The following UGT1A5 variants were observed in gnomAD, a reference collection of about 807,000 sequenced individuals.
UGT1A5 encodes the protein UDP-glucuronosyltransferase 1A5.
A neutral mutation model predicts 40.3 loss-of-function variants in UGT1A5; 29 were observed. That is an observed-to-expected ratio of 0.72 (90% CI 0.54 to 0.98). UGT1A5 has a LOEUF of 0.98. UGT1A5 is among the 50% of genes least tolerant of loss of function. UGT1A5 has a pLI of 0.00. For missense variants in UGT1A5, 678 were observed against 677.9 expected (o/e 1.00, Z 0.00); for synonymous variants, 257 against 262.5 (o/e 0.98, Z 0.20).
intron 1 of UGT1A5, among the ~76,000 whole-genome samples, chr2:233,757,562 G>GTATATATATATATATATATATACATA (rs1491042837): frequency 1.1e-5 from 1 of 90,870 alleles, no homozygotes; most frequent in Non-Finnish European, 2.1e-5. Flanking sequence ...ATATATATAT[G>GTATATATATATATATATATATACATA]TATATATGAT....
intron 1 of UGT1A5, chr2:233,743,998 C>G (rs1199821485): frequency 8.1e-7 from 1 of 1,233,642 alleles, no homozygotes; most frequent in African/African-American, 1.6e-5. Context: ...CCCGAGTGCT[C>G]GGAGACCTGG....
At chr2:233,760,673 A>T (rs1191873899) in intron 1 of UGT1A5, 3 of 1,614,096 alleles carry the variant, frequency 1.9e-6, no homozygotes, top group East Asian at 2.2e-5. Flanking sequence ...GGCTGTTCCC[A>T]CTTACTGCAC....
At chr2:233,753,850 C>G (rs929195641) in intron 1 of UGT1A5, among the ~76,000 whole-genome samples, 1 of 152,312 alleles carries the variant, frequency 6.6e-6, no homozygotes, top group Non-Finnish European at 1.5e-5. Flanking sequence ...ATATCATTGA[C>G]CAACCACATA....
chr2:233,718,465 T>G (rs2076655710), intron 1 of UGT1A5, among the ~76,000 whole-genome samples: 1 of 152,222 alleles, frequency 6.6e-6, no homozygotes, highest in Non-Finnish European at 1.5e-5. Context: ...AGACCTCAGC[T>G]GCAGCCTGAT....
At chr2:233,746,785 G>A (rs999624443) in intron 1 of UGT1A5, among the ~76,000 whole-genome samples, 5 of 151,822 alleles carry the variant, frequency 3.3e-5, no homozygotes, top group Non-Finnish European at 2.9e-5. Flanking sequence ...GTTTTCTGTT[G>A]TAATTCATGA....
chr2:233,745,309 A>G (rs1470353088), intron 1 of UGT1A5, among the ~76,000 whole-genome samples: 1 of 151,872 alleles, frequency 6.6e-6, no homozygotes, highest in African/African-American at 2.4e-5. Context: ...TGCAGTGATT[A>G]TTTCCACTAG....
intron 1 of UGT1A5, among the ~76,000 whole-genome samples, chr2:233,724,775 C>T (rs2077310067): frequency 7.0e-6 from 1 of 142,494 alleles, no homozygotes; most frequent in Non-Finnish European, 1.5e-5. Context: ...GGCAGAGACA[C>T]TCCTCACTTC....
intron 1 of UGT1A5, chr2:233,721,988 G>A (rs1184404507): frequency 1.1e-5 from 3 of 269,960 alleles, no homozygotes; most frequent in African/African-American, 2.2e-5. Context: ...GTAGTTTCAC[G>A]AATGTCCTTT....
chr2:233,728,225 C>T (rs2077691607), intron 1 of UGT1A5, among the ~76,000 whole-genome samples: 1 of 152,206 alleles, frequency 6.6e-6, no homozygotes, highest in Non-Finnish European at 1.5e-5. Flanking sequence ...TGACCATAAT[C>T]TTCAGGATGA....
At chr2:233,738,451 G>A (rs1425081316) in intron 1 of UGT1A5, among the ~76,000 whole-genome samples, 1 of 152,222 alleles carries the variant, frequency 6.6e-6, no homozygotes, top group Non-Finnish European at 1.5e-5. Context: ...AAGACAGGAA[G>A]ATGTGGGAAA....
chr2:233,757,541 T>TATACATATACATATAC (rs1229454769), intron 1 of UGT1A5, among the ~76,000 whole-genome samples: 1 of 117,592 alleles, frequency 8.5e-6, no homozygotes, highest in Admixed American at 8.1e-5. Context: ...AAGGAATATA[T>TATACATATACATATAC]ATATATATAT....
rs529127963 is a variant in UGT1A5 at position 233,735,165 on chromosome 2, C to T, written c.867+21307C>T. 6.6e-5 allele frequency among the ~76,000 whole-genome samples: 10 copies of T among 152,220 alleles called. No homozygotes were observed. In the East Asian group the frequency reaches 9.6e-4, roughly 15 times the overall value. The stretch of plus-strand genomic sequence containing the variant: ...TGGGAGTCTAAGTCTCTGTGTAGGT[C>T]TCTAAGAACTTGCTTTATGAATCTA... On this transcript the variant is annotated intron_variant, in intron 1 of 4. Transcript: ENST00000373414.
chr2:233,718,771 A>T, intron 1 of UGT1A5: 4 of 1,612,862 alleles, frequency 2.5e-6, no homozygotes, highest in Non-Finnish European at 3.4e-6. Flanking sequence ...AAACAAATGT[A>T]GCAGGCACAG....
chr2:233,772,410 C>A lies in UGT1A5; in HGVS notation c.1456C>A (p.Gln486Lys). ...CGCAGCCCACGACCTCACCTGGTAC[C>A]AGTACCATTCCTTGGACGTGATTGG... Reference protein sequence around the residue: ...RPAAHDLTWYQYHSLDVIGFL... With the variant: ...RPAAHDLTWYKYHSLDVIGFL... Residue 486 changes from glutamine to lysine, a missense_variant, in exon 5 of 5, where the codon CAG becomes AAG. Coordinates refer to ENST00000373414, the MANE Select transcript of UGT1A5 (RefSeq NM_019078.2). 1 of 1,614,220 alleles carries A rather than the reference C, an allele frequency of 6.2e-7. No homozygotes were observed. The highest frequency in any genetic ancestry group is 8.5e-7 in the Non-Finnish European group (1 of 1,180,040).
intron 1 of UGT1A5, chr2:233,747,084 A>G: frequency 8.6e-7 from 1 of 1,158,212 alleles, no homozygotes; most frequent in Non-Finnish European, 1.2e-6. Flanking sequence ...AACTAGGAGG[A>G]GAGCACTCTA....
In UGT1A5 at chr2:233,724,313, C is replaced by T. The variant is rs1238022468; in HGVS notation, c.867+10455C>T. ...CTGACCCCCCCACCTCCCTCCCGGA[C>T]GGGGCGGCTGGCCAGGCGGGGGGCT... On this transcript the variant is annotated intron_variant, in intron 1 of 4. Coordinates refer to ENST00000373414, the MANE Select transcript of UGT1A5 (RefSeq NM_019078.2). Among the ~76,000 whole-genome samples the T allele has an allele frequency of 7.3e-4, 99 of 136,280 alleles. No homozygotes were observed. In the Middle Eastern group the frequency reaches 0.011, roughly 16 times the overall value. 89.4% of individuals were successfully genotyped at this position (136,280 alleles called of 152,430 possible).
intron 1 of UGT1A5, among the ~76,000 whole-genome samples, chr2:233,756,797 C>T (rs954051942): frequency 2.0e-5 from 3 of 151,992 alleles, no homozygotes. Context: ...GGGCAATACA[C>T]TAGTAAAGGT....
chr2:233,723,213 C>CTT (rs201420005), intron 1 of UGT1A5, among the ~76,000 whole-genome samples: 4 of 88,884 alleles, frequency 4.5e-5, no homozygotes, highest in Non-Finnish European at 6.4e-5. Context: ...TCAAAACTGA[C>CTT]TTTTTTTTTT....
chr2:233,717,705 C>T (rs1452341997), intron 1 of UGT1A5: 2 of 450,484 alleles, frequency 4.4e-6, no homozygotes, highest in Non-Finnish European at 9.0e-6. Context: ...TGGAGCAGGA[C>T]GAGCCTCATG....
Sources: gnomAD v4.1 joint callset for allele counts (sites outside exome capture counted in the v4.1 genomes callset) on GRCh38, gnomAD v4.1.1 for gene constraint, MANE v1.5 for transcripts, NCBI Gene and HGNC (gene_info 2026-07-23, HGNC 2026-07-21) for gene names.